Variants in DYNC1H1 observed in about 807,000 individuals in gnomAD.
DYNC1H1 encodes the protein cytoplasmic dynein 1 heavy chain 1.
A neutral mutation model predicts 527.1 loss-of-function variants in DYNC1H1; 51 were observed. The observed-to-expected ratio is 0.10, with a 90% CI of 0.08 to 0.12. DYNC1H1 has a LOEUF of 0.12. Among genes scored for constraint, DYNC1H1 ranks in the 10% least tolerant of loss-of-function variants. The probability of loss-of-function intolerance (pLI) is 1.00; values close to 1 mark genes in which losing one functional copy is unlikely to be tolerated. For missense variants in DYNC1H1, 2,771 were observed against 5,971.8 expected (o/e 0.46, Z 17.66); for synonymous variants, 2,189 against 2,278.8 (o/e 0.96, Z 1.12).
intron 69 of DYNC1H1, chr14:102,043,471 A>G (rs1010230556): frequency 3.1e-6 from 1 of 323,484 alleles, no homozygotes; most frequent in African/African-American, 2.2e-5. Flanking sequence ...GTGGCAGGCA[A>G]TCTCCTCTCC....
chr14:101,974,962 A>G (rs565912118), intron 1 of DYNC1H1, among the ~76,000 whole-genome samples: 9 of 152,320 alleles, frequency 5.9e-5, no homozygotes, highest in African/African-American at 1.7e-4. Flanking sequence ...ACAGACTCAG[A>G]TAAGTGGTGT....
intron 42 of DYNC1H1, 58 bp from the exon 43 acceptor site, chr14:102,022,693 T>C (rs920809645): frequency 8.7e-6 from 14 of 1,611,806 alleles, no homozygotes; most frequent in Admixed American, 8.3e-5. Flanking sequence ...ATGGTGAACA[T>C]GGTGCTTCTT....
chr14:101,994,661 C>G lies in DYNC1H1; in HGVS notation c.3157-12C>G, dbSNP rs1233448791. The G allele has an allele frequency of 1.2e-6, 2 of 1,613,854 alleles. No individual in the cohort carries two copies. Among genetic ancestry groups the G allele is most frequent in the African/African-American group, 2.7e-5 (2 of 74,926 alleles). ...ACTCAAACTATTATTTAACTGTGTT[C>G]TTCATTTGCAGGTTTGGCTTCAGTA... On this transcript the variant is annotated splice_polypyrimidine_tract_variant and intron_variant, in intron 12 of 77. Coordinates refer to ENST00000360184, the MANE Select transcript of DYNC1H1 (RefSeq NM_001376.5).
chr14:101,998,824 A>G (rs1251268478), intron 16 of DYNC1H1, among the ~76,000 whole-genome samples: 1 of 151,574 alleles, frequency 6.6e-6, no homozygotes, highest in Admixed American at 6.6e-5. Context: ...CAAAATTTGA[A>G]TATTTCTCAT....
rs781437330 is a variant in DYNC1H1 at position 102,022,781 on chromosome 14, T to C, written c.8538T>C (p.Thr2846=). 1.2e-6 allele frequency: 2 copies of C among 1,614,172 alleles called. No individual in the cohort carries two copies. The change falls in exon 43 of 78, where the codon ACT becomes ACC. Residue 2846 remains threonine (T), a synonymous_variant. Coordinates refer to ENST00000360184, the MANE Select transcript of DYNC1H1 (RefSeq NM_001376.5). Reference sequence around the variant, plus strand: ...TAGAGGATGAGGAGAGGCGTTGGACTGATGAGAACATCGACACGGTTGCTC... The same window carrying C: ...TAGAGGATGAGGAGAGGCGTTGGACCGATGAGAACATCGACACGGTTGCTC... ...RLVEDEERRW[T]DENIDTVALK...
chr14:102,040,480 T>C (rs2048635095), intron 63 of DYNC1H1, 70 bp downstream of exon 63: 62 of 1,612,848 alleles, frequency 3.8e-5, no homozygotes, highest in Non-Finnish European at 5.1e-5. Flanking sequence ...AGGAATTGCA[T>C]GTGGTATAAA....
At position 102,016,654 on chromosome 14, in the gene DYNC1H1, C is replaced by A; in HGVS notation, c.7615-112C>A. The A allele has an allele frequency of 6.5e-7, 1 of 1,534,860 alleles. No individual in the cohort carries two copies. On this transcript the variant is annotated intron_variant, in intron 37 of 77. Coordinates refer to ENST00000360184, the MANE Select transcript of DYNC1H1 (RefSeq NM_001376.5). This position sits in a 1 kb window ranked among gnomAD's most constrained non-coding sequence, Gnocchi z 7.3. ...TGTGTTAGCAAAGAGTGCAGATTAACCTGACCAATTACTTCCTTGTTCTGA... is the reference window on the plus strand; with the variant it reads ...TGTGTTAGCAAAGAGTGCAGATTAAACTGACCAATTACTTCCTTGTTCTGA...
intron 43 of DYNC1H1, among the ~76,000 whole-genome samples, chr14:102,024,021 T>A (rs1211941944): frequency 6.6e-6 from 1 of 152,152 alleles, no homozygotes; most frequent in Non-Finnish European, 1.5e-5. Context: ...GGGCAGGAAT[T>A]CCCAGGAGTA....
At chr14:101,998,879 C>CTTTTTTTTTTTG (rs2048096015) in intron 16 of DYNC1H1, among the ~76,000 whole-genome samples, 1 of 115,220 alleles carries the variant, frequency 8.7e-6, no homozygotes, top group African/African-American at 3.8e-5. Flanking sequence ...AAAACTTTTT[C>CTTTTTTTTTTTG]TTTTTTTTTT....
chr14:101,988,586 G>T (rs2047961816), intron 9 of DYNC1H1, 117 bp from the exon 10 acceptor site: 5 of 1,316,354 alleles, frequency 3.8e-6, no homozygotes, highest in Non-Finnish European at 4.3e-6. Context: ...AGATATGAAG[G>T]CTTCTAGTCC....
At position 101,993,346 on chromosome 14, in the gene DYNC1H1, C is replaced by T. The variant is rs1441927035; in HGVS notation, c.3016-838C>T. On this transcript the variant is annotated intron_variant, in intron 11 of 77. Transcript: ENST00000360184. ...TCCCTAAAATCTGTTTTCAACACAG[C>T]AGCCAAAGCAAGTTTTAGATTCTAA... Among the ~76,000 whole-genome samples, 10 of 152,334 alleles carry T rather than the reference C, an allele frequency of 6.6e-5. No individual in the cohort carries two copies. The South Asian group carries it at 1.9e-3, about 28-fold the overall frequency.
chr14:101,998,879 C>CTTTTTTTTTT (rs888317854), intron 16 of DYNC1H1, among the ~76,000 whole-genome samples: 18 of 115,220 alleles, frequency 1.6e-4, no homozygotes, highest in East Asian at 5.0e-4. Context: ...AAAACTTTTT[C>CTTTTTTTTTT]TTTTTTTTTT....
In DYNC1H1 at chr14:102,016,527, C is replaced by T. The variant is rs1472841262; in HGVS notation, c.7614+38C>T. The T allele has an allele frequency of 6.2e-7, 1 of 1,614,090 alleles. No homozygotes were observed. The highest frequency in any genetic ancestry group is 1.1e-5 in the South Asian group (1 of 91,080). On this transcript the variant is annotated intron_variant, in intron 37 of 77. Transcript: ENST00000360184. The surrounding 1 kb of genome is among the most constrained non-coding windows in gnomAD (Gnocchi z 7.3). ...CTACCACCCGTGTTTCTGATTCTCGCCTTGTTGATTTAACTCATCCTGGAA... is the reference window on the plus strand; with the variant it reads ...CTACCACCCGTGTTTCTGATTCTCGTCTTGTTGATTTAACTCATCCTGGAA...
In DYNC1H1 at chr14:102,039,534, G is replaced by T; in HGVS notation, c.11583G>T (p.Lys3861Asn). ...CACAGCGCCTGTCCATTATAACAAA[G>T]GACCTCTTCCAGGTAGAGTGAGGTC... ...DHTQRLSIIT[K>N]DLFQVAFNRV... is the part of the protein sequence containing the mutation. Residue 3861 changes from lysine (K) to asparagine (N), a missense_variant, in exon 61 of 78, where the codon AAG becomes AAT. Coordinates refer to ENST00000360184, the MANE Select transcript of DYNC1H1 (RefSeq NM_001376.5). This position sits in a 1 kb window ranked among gnomAD's most constrained non-coding sequence, Gnocchi z 7.0. The T allele has an allele frequency of 6.2e-7, 1 of 1,614,236 alleles. No homozygotes were observed. The highest frequency in any genetic ancestry group is 8.5e-7 in the Non-Finnish European group (1 of 1,180,048).
At chr14:101,984,399 ATATGTGTGTGTG>A (rs2047904877) in intron 7 of DYNC1H1, among the ~76,000 whole-genome samples, 2 of 87,490 alleles carry the variant, frequency 2.3e-5, no homozygotes, top group African/African-American at 1.0e-4. Context: ...ATATGCGTAT[ATATGTGTGTGTG>A]TGTGTGTGTG....
At chr14:102,023,162 G>T (rs1445271783) in intron 43 of DYNC1H1, 1 of 413,668 alleles carries the variant, frequency 2.4e-6, no homozygotes, top group Non-Finnish European at 4.6e-6. Flanking sequence ...CAACTTGGGA[G>T]GCTTGAGCCC....
At position 102,029,741 on chromosome 14, in the gene DYNC1H1, G is replaced by C; in HGVS notation, c.9642+29G>C. The C allele has an allele frequency of 1.2e-6, 2 of 1,614,168 alleles. No individual in the cohort carries two copies. Among genetic ancestry groups the C allele is most frequent in the Non-Finnish European group, 1.7e-6 (2 of 1,180,020 alleles). On this transcript the variant is annotated intron_variant, in intron 49 of 77. Transcript: ENST00000360184. This position sits in a 1 kb window ranked among gnomAD's most constrained non-coding sequence, Gnocchi z 5.3. ...CGTCACAGGCACAAATTCCTCACGG[G>C]AGTGAGCTGCAGTGAGGACCCCTTT... is the stretch of plus-strand genomic sequence containing the variant.
In DYNC1H1 at chr14:102,026,630, G is replaced by A; in HGVS notation, c.8694G>A (p.Lys2898=). ...ELRDYVKARL[K]VFYEEELDVP... ...GAGATTATGTCAAAGCTAGGCTGAAGGTCTTTTATGAAGAAGAACTTGATG... is the reference window on the plus strand; with the variant it reads ...GAGATTATGTCAAAGCTAGGCTGAAAGTCTTTTATGAAGAAGAACTTGATG... The change falls in exon 44 of 78, where the codon AAG becomes AAA. Residue 2898 remains lysine, a synonymous_variant. Transcript: ENST00000360184. 6.2e-7 allele frequency: 1 copy of A among 1,614,156 alleles called. No homozygotes were observed. Among genetic ancestry groups the A allele is most frequent in the Non-Finnish European group, 8.5e-7 (1 of 1,180,032 alleles).
At position 101,979,625 on chromosome 14, in the gene DYNC1H1, ATG is replaced by A; in HGVS notation, c.519-88_519-87del. 1 of 1,607,636 alleles carries A rather than the reference ATG, an allele frequency of 6.2e-7. No individual in the cohort carries two copies. The highest frequency in any genetic ancestry group is 8.5e-7 in the Non-Finnish European group (1 of 1,176,242). The stretch of plus-strand genomic sequence containing the variant: ...ATATAAACCCTGTGTATTAATAAAT[ATG>A]TGTGTCATTACTATTTGACAGACCT... On this transcript the variant is annotated intron_variant, in intron 3 of 77. Coordinates refer to ENST00000360184, the MANE Select transcript of DYNC1H1 (RefSeq NM_001376.5). This position sits in a 1 kb window ranked among gnomAD's most constrained non-coding sequence, Gnocchi z 4.6.
Sources: gnomAD v4.1 joint callset for allele counts (sites outside exome capture counted in the v4.1 genomes callset) on GRCh38, gnomAD v4.1.1 for gene constraint, Gnocchi (gnomAD v3.1) non-coding constraint, MANE v1.5 for transcripts, NCBI Gene and HGNC (gene_info 2026-07-23, HGNC 2026-07-21) for gene names.